IARS1: variants seen among roughly 807,000 people sequenced by gnomAD.
The protein encoded by IARS1 is isoleucine--tRNA ligase, cytoplasmic.
In IARS1, 124 loss-of-function variants were observed where a neutral mutation model predicts 168.2. That is an observed-to-expected ratio of 0.74 (90% CI 0.64 to 0.86). The LOEUF is 0.86. Ranked by LOEUF, IARS1 falls within the 40% of genes least tolerant of loss-of-function variation. The pLI, the probability that IARS1 is intolerant of heterozygous loss-of-function variation, is 0.00. For missense variants in IARS1, 1,452 were observed against 1,515.8 expected (o/e 0.96, Z 0.70); for synonymous variants, 532 against 529.4 (o/e 1.00, Z -0.07).
At chr9:92,214,468 C>G (rs921278111) in intron 33 of IARS1, among the ~76,000 whole-genome samples, 1 of 152,090 alleles carries the variant, frequency 6.6e-6, no homozygotes, top group South Asian at 2.1e-4. Flanking sequence ...CCAGGGTGAG[C>G]GATGCAGAAG....
chr9:92,252,401 C>T (rs753132444), intron 21 of IARS1: 69 of 515,626 alleles, frequency 1.3e-4, no homozygotes, highest in Non-Finnish European at 2.2e-4. Flanking sequence ...CTTCTAGATA[C>T]GTGTGTGTGA....
chr9:92,273,644 T>C lies in IARS1; in HGVS notation c.990+782A>G, dbSNP rs916325870. Among the ~76,000 whole-genome samples, 8 of 152,256 alleles carry C rather than the reference T, an allele frequency of 5.3e-5. 1 individual carries two copies. Among genetic ancestry groups the C allele is most frequent in the Admixed American group, 5.2e-4 (8 of 15,284 alleles). On this transcript the variant is annotated intron_variant, in intron 10 of 33. Transcript: ENST00000443024. The stretch of plus-strand genomic sequence containing the variant: ...ACACTAAAAGCCCAGATTTTACTAC[T>C]ATACAACATATCAATGTAAAAAAAT...
Position 92,250,169 on chromosome 9 carries a change from AG to A in IARS1, c.2532+17del. The A allele has an allele frequency of 6.8e-7, 1 of 1,463,928 alleles. No individual in the cohort carries two copies. Among genetic ancestry groups the A allele is most frequent in the Non-Finnish European group, 9.6e-7 (1 of 1,043,130 alleles). The allele number at this position is 1,463,928 out of a possible 1,614,324, so 90.7% of individuals were successfully genotyped here. On this transcript the variant is annotated intron_variant, in intron 24 of 33. Coordinates refer to ENST00000443024, the MANE Select transcript of IARS1 (RefSeq NM_002161.6). Reference sequence around the variant, plus strand: ...AATTTAGGTCTGTGCCATGTAAAATAGAAGTAAAATTTCAAACCTTTATGGG... The same window carrying A: ...AATTTAGGTCTGTGCCATGTAAAATAAAGTAAAATTTCAAACCTTTATGGG...
chr9:92,226,226 T>G (rs1180780282), intron 31 of IARS1, among the ~76,000 whole-genome samples: 1 of 152,196 alleles, frequency 6.6e-6, no homozygotes, highest in Non-Finnish European at 1.5e-5. Flanking sequence ...CAACCTTTAA[T>G]GGATACAATA....
intron 7 of IARS1, among the ~76,000 whole-genome samples, chr9:92,279,560 A>G (rs1176559624): frequency 6.6e-6 from 1 of 152,074 alleles, no homozygotes; most frequent in African/African-American, 2.4e-5. Context: ...CTCCCTCCGT[A>G]CCTTTTTTCT....
intron 33 of IARS1, among the ~76,000 whole-genome samples, chr9:92,213,660 G>A (rs1294882813): frequency 6.6e-6 from 1 of 152,200 alleles, no homozygotes; most frequent in African/African-American, 2.4e-5. Context: ...AGAGCTGTGA[G>A]ATGACTTGAG....
intron 14 of IARS1, 100 bp from the exon 15 acceptor site, chr9:92,265,653 A>C: frequency 1.0e-6 from 1 of 975,384 alleles, no homozygotes; most frequent in Non-Finnish European, 1.6e-6. Context: ...GAGACTGATG[A>C]TTTTCTTTTT....
chr9:92,230,848 G>A (rs1826559607), intron 30 of IARS1, among the ~76,000 whole-genome samples: 2 of 152,184 alleles, frequency 1.3e-5, no homozygotes, highest in Admixed American at 1.3e-4. Flanking sequence ...AACGGCTAAT[G>A]ACGTTAAATG....
intron 33 of IARS1, 22 bp downstream of exon 33, chr9:92,222,498 T>C: frequency 6.2e-7 from 1 of 1,604,268 alleles, no homozygotes; most frequent in African/African-American, 1.3e-5. Context: ...AATAAAAAAC[T>C]TACGGTCCAC....
intron 20 of IARS1, among the ~76,000 whole-genome samples, chr9:92,255,922 G>A (rs1830650816): frequency 6.6e-6 from 1 of 152,138 alleles, no homozygotes; most frequent in South Asian, 2.1e-4. Flanking sequence ...TGCTTGAGGT[G>A]ATGGATATCC....
At position 92,240,892 on chromosome 9, in the gene IARS1, C is replaced by T; in HGVS notation, c.3247G>A (p.Val1083Ile). Residue 1083 changes from valine (V) to isoleucine (I), a missense_variant, in exon 30 of 34, where the codon GTC becomes ATC. By Grantham distance (29) the Val-to-Ile change is conservative. Coordinates refer to ENST00000443024, the MANE Select transcript of IARS1 (RefSeq NM_002161.6). ...CCATTTGCACAAATGTTAAGATTGA[C>T]ATATGCACAAGCAGGACCAGGAAGG... ...SSLPGPACAY[V>I]NLNICANGSE... The T allele has an allele frequency of 6.2e-7, 1 of 1,613,248 alleles. No homozygotes were observed. The highest frequency in any genetic ancestry group is 1.1e-5 in the South Asian group (1 of 91,034).
intron 31 of IARS1, among the ~76,000 whole-genome samples, chr9:92,224,585 C>T (rs1825341371): frequency 1.3e-5 from 2 of 152,158 alleles, no homozygotes; most frequent in Admixed American, 1.3e-4. Flanking sequence ...CACCTGTAAT[C>T]CTATCACTCT....
intron 16 of IARS1, 46 bp downstream of exon 16, chr9:92,264,883 A>G (rs762558240): frequency 1.3e-6 from 2 of 1,520,616 alleles, no homozygotes; most frequent in Admixed American, 3.8e-5. Context: ...CTCCCTAAAT[A>G]AAATAAAATC....
intron 2 of IARS1, among the ~76,000 whole-genome samples, chr9:92,288,894 G>A (rs942040435): frequency 4.6e-5 from 7 of 152,094 alleles, no homozygotes; most frequent in African/African-American, 1.7e-4. Context: ...GGGATTCTGG[G>A]AATAGAAAGA....
chr9:92,289,522 C>T (rs1835985366), intron 1 of IARS1, 96 bp from the exon 2 acceptor site: 1 of 678,658 alleles, frequency 1.5e-6, no homozygotes, highest in Non-Finnish European at 2.7e-6. Flanking sequence ...ACTATCCATA[C>T]TTTTAAAAAA....
At chr9:92,260,018 T>G (rs1026703503) in intron 18 of IARS1, 133 bp downstream of exon 18, 23 of 654,624 alleles carry the variant, frequency 3.5e-5, no homozygotes, top group Non-Finnish European at 5.7e-5. Context: ...CATACCAACA[T>G]AACATCCAAA....
Position 92,210,296 on chromosome 9 carries a change from T to G in IARS1, c.*511A>C, listed in dbSNP as rs1448787624. ...TTATGTTCTTCAAAGTTTACACATT[T>G]CAAGTTTCATTTATCTATGGGAGAA... On this transcript the variant is annotated 3_prime_UTR_variant, in exon 34 of 34. Coordinates refer to ENST00000443024, the MANE Select transcript of IARS1 (RefSeq NM_002161.6). 1.3e-5 allele frequency: 2 copies of G among 152,470 alleles called. No homozygotes were observed. Among genetic ancestry groups the G allele is most frequent in the Admixed American group, 6.5e-5 (1 of 15,292 alleles). The allele number at this position is 152,470 out of a possible 1,614,324, so 9.4% of individuals were successfully genotyped here.
chr9:92,246,955 G>A (rs1185771124), intron 26 of IARS1, among the ~76,000 whole-genome samples: 1 of 152,184 alleles, frequency 6.6e-6, no homozygotes, highest in Admixed American at 6.5e-5. Context: ...CAATTTGGGG[G>A]ACCGAAGGCG....
At chr9:92,226,219 C>A (rs1378629350) in intron 31 of IARS1, among the ~76,000 whole-genome samples, 1 of 152,220 alleles carries the variant, frequency 6.6e-6, no homozygotes, top group Non-Finnish European at 1.5e-5. Flanking sequence ...TCCTATCCAA[C>A]CTTTAATGGA....
Sources: allele counts gnomAD v4.1 joint callset (sites outside exome capture counted in the v4.1 genomes callset), GRCh38; gene constraint gnomAD v4.1.1; transcripts MANE v1.5; gene names NCBI Gene and HGNC (gene_info 2026-07-23, HGNC 2026-07-21).